MAPKAPK2: variants seen among roughly 807,000 people sequenced by gnomAD.
MAPKAPK2 encodes MAPK activated protein kinase 2.
MAPKAPK2 carries 9 observed loss-of-function variants against 48.8 expected under a neutral mutation model. The ratio of observed to expected loss-of-function variants is 0.18; its 90% confidence interval spans 0.11 to 0.32. The LOEUF (loss-of-function observed/expected upper bound fraction) is 0.32, where lower values mean the gene tolerates loss of function less well. MAPKAPK2 is among the 10% of genes least tolerant of loss of function. The probability of loss-of-function intolerance (pLI) is 1.00; values close to 1 mark genes in which losing one functional copy is unlikely to be tolerated. For missense variants in MAPKAPK2, 331 were observed against 498.3 expected, an observed-to-expected ratio of 0.66 and a Z score of 3.20; for synonymous variants, 202 against 190.6, an observed-to-expected ratio of 1.06 and a Z score of -0.49.
At chr1:206,691,900 C>T (rs1553426359) in intron 1 of MAPKAPK2, among the ~76,000 whole-genome samples, 1 of 152,148 alleles carries the variant, frequency 6.6e-6, no homozygotes, top group African/African-American at 2.4e-5. Context: ...ACCAGCTGCT[C>T]CTTCTCTTGT....
At chr1:206,705,952 G>A (rs148069244) in intron 1 of MAPKAPK2, among the ~76,000 whole-genome samples, 216 of 152,220 alleles carry the variant, frequency 1.4e-3, no homozygotes, top group Middle Eastern at 3.4e-3. Flanking sequence ...GCCTGTTGCA[G>A]GCCTCAACAC....
rs1248113213 is a variant in MAPKAPK2 at position 206,732,837 on chromosome 1, C to T, written c.*119C>T. 2 of 1,175,856 alleles carry T rather than the reference C, an allele frequency of 1.7e-6. No homozygotes were observed. Among genetic ancestry groups the T allele is most frequent in the African/African-American group, 1.5e-5 (1 of 65,084 alleles). The allele number at this position is 1,175,856 out of a possible 1,614,324, so 72.8% of individuals were successfully genotyped here. ...TCCTCTCCTCCTCAGCTGCATGGAG[C>T]CTGGAACTGCATCAGTGACTGAATT... On this transcript the variant is annotated 3_prime_UTR_variant, in exon 10 of 10. Transcript: ENST00000367103. This position sits in a 1 kb window ranked among gnomAD's most constrained non-coding sequence, Gnocchi z 4.4.
intron 1 of MAPKAPK2, among the ~76,000 whole-genome samples, chr1:206,716,200 G>A (rs1159453737): frequency 6.6e-6 from 1 of 152,008 alleles, no homozygotes; most frequent in African/African-American, 2.4e-5. Flanking sequence ...CTGTGTGAGA[G>A]GTAATGTAGA....
At chr1:206,694,711 T>C (rs1553426752) in intron 1 of MAPKAPK2, among the ~76,000 whole-genome samples, 1 of 152,208 alleles carries the variant, frequency 6.6e-6, no homozygotes, top group Non-Finnish European at 1.5e-5. Context: ...GCCGTGTGTC[T>C]GGAACTTGGA....
At chr1:206,725,194 C>T (rs552204213) in intron 1 of MAPKAPK2, among the ~76,000 whole-genome samples, 1 of 152,372 alleles carries the variant, frequency 6.6e-6, no homozygotes. Context: ...GTGCCACGCA[C>T]TCCTAACGTG....
chr1:206,702,878 C>T (rs1344667935), intron 1 of MAPKAPK2, among the ~76,000 whole-genome samples: 1 of 152,216 alleles, frequency 6.6e-6, no homozygotes, highest in Non-Finnish European at 1.5e-5. Context: ...CTGTATTTAT[C>T]CTTCAAGGCT....
At chr1:206,698,689 G>A (rs182078773) in intron 1 of MAPKAPK2, among the ~76,000 whole-genome samples, 26 of 152,210 alleles carry the variant, frequency 1.7e-4, no homozygotes, top group African/African-American at 5.8e-4. Flanking sequence ...ACTGCAAAGT[G>A]AAAGTCCCCA....
chr1:206,728,593 G>T (rs71633601), intron 1 of MAPKAPK2, 117 bp from the exon 2 acceptor site: 7 of 1,121,538 alleles, frequency 6.2e-6, no homozygotes, highest in Non-Finnish European at 8.8e-6. Flanking sequence ...GGTGGGGGGG[G>T]CCAGCAGGAG....
At chr1:206,712,826 T>G (rs1673197712) in intron 1 of MAPKAPK2, among the ~76,000 whole-genome samples, 1 of 151,904 alleles carries the variant, frequency 6.6e-6, no homozygotes, top group East Asian at 1.9e-4. Flanking sequence ...ATTTGCTGAG[T>G]GTGGTGGTGG....
intron 1 of MAPKAPK2, among the ~76,000 whole-genome samples, chr1:206,716,578 G>A (rs1176917199): frequency 2.0e-5 from 3 of 152,094 alleles, no homozygotes; most frequent in African/African-American, 7.2e-5. Flanking sequence ...TGTGAGATCT[G>A]TGGACTCAGG....
chr1:206,726,192 C>T (rs574693283), intron 1 of MAPKAPK2, among the ~76,000 whole-genome samples: 4 of 152,210 alleles, frequency 2.6e-5, no homozygotes, highest in Admixed American at 1.3e-4. Flanking sequence ...CGAGACCAGC[C>T]TGGCCAACAT....
chr1:206,711,247 TG>T (rs1553429409), intron 1 of MAPKAPK2, among the ~76,000 whole-genome samples: 2 of 151,846 alleles, frequency 1.3e-5, no homozygotes, highest in Non-Finnish European at 2.9e-5. Flanking sequence ...AAGTTTTTTT[TG>T]TTTGTTTGTT....
intron 1 of MAPKAPK2, among the ~76,000 whole-genome samples, chr1:206,728,023 T>A (rs201696046): frequency 5.1e-5 from 2 of 39,210 alleles, no homozygotes; most frequent in Admixed American, 8.3e-4. Context: ...CTTAGACAGG[T>A]CAAGATTGAA....
rs1248790005 is a variant in MAPKAPK2, at chr1:206,685,143, G to A, written c.-87G>A. The A allele has an allele frequency of 6.4e-4, 146 of 228,502 alleles. No individual in the cohort carries two copies. Among genetic ancestry groups the A allele is most frequent in the African/African-American group, 3.4e-3 (143 of 42,686 alleles). 14.2% of individuals were successfully genotyped at this position (228,502 alleles called of 1,614,324 possible). On this transcript the variant is annotated 5_prime_UTR_variant, in exon 1 of 10. Coordinates refer to ENST00000367103, the MANE Select transcript of MAPKAPK2 (RefSeq NM_032960.4). ...CAGCCCGGAGCGAACTTCGCAGCCC[G>A]TCGGGGGGCGGCGGGGAGGGGGCCC...
At chr1:206,729,294 C>A in intron 3 of MAPKAPK2, 102 bp from the exon 4 acceptor site, 1 of 1,143,144 alleles carries the variant, frequency 8.7e-7, no homozygotes, top group Non-Finnish European at 1.3e-6. Flanking sequence ...CTGTGGGGAG[C>A]CTCAGGCTGC....
chr1:206,722,751 G>A (rs1365387628), intron 1 of MAPKAPK2, among the ~76,000 whole-genome samples: 1 of 152,230 alleles, frequency 6.6e-6, no homozygotes, highest in Non-Finnish European at 1.5e-5. Context: ...TCGGCCTGCA[G>A]CCTGCTCCAG....
chr1:206,729,905 C>T (rs1572516450), intron 4 of MAPKAPK2, 67 bp from the exon 5 acceptor site: 2 of 1,599,986 alleles, frequency 1.3e-6, no homozygotes, highest in Non-Finnish European at 1.7e-6. Flanking sequence ...AACCAGGATC[C>T]TTTTCGTTTC....
chr1:206,685,915 C>T (rs1450302951), intron 1 of MAPKAPK2, among the ~76,000 whole-genome samples: 2 of 152,194 alleles, frequency 1.3e-5, no homozygotes, highest in Non-Finnish European at 2.9e-5. Context: ...GCACAAAAGG[C>T]CCATTACTCA....
intron 1 of MAPKAPK2, among the ~76,000 whole-genome samples, chr1:206,687,830 G>T (rs1007088278): frequency 3.9e-5 from 6 of 152,212 alleles, no homozygotes; most frequent in African/African-American, 1.4e-4. Flanking sequence ...TGAGAAAAGG[G>T]GAGGAGACCT....
Sources: allele counts gnomAD v4.1 joint callset (sites outside exome capture counted in the v4.1 genomes callset), GRCh38; gene constraint gnomAD v4.1.1; non-coding constraint Gnocchi (gnomAD v3.1); transcripts MANE v1.5; gene names NCBI Gene and HGNC (gene_info 2026-07-23, HGNC 2026-07-21).